The following CSGALNACT1 variants were observed in gnomAD, a reference collection of about 807,000 sequenced individuals.
CSGALNACT1 encodes the protein beta4GalNAcT-1.
Under a neutral mutation model 51.0 loss-of-function variants are expected in CSGALNACT1, and 52 were observed. The ratio of observed to expected loss-of-function variants is 1.02; its 90% CI spans 0.82 to 1.29. CSGALNACT1 has a LOEUF of 1.29. Among genes scored for constraint, CSGALNACT1 ranks in the 50% most tolerant of loss-of-function variants. CSGALNACT1 has a pLI of 0.00. For synonymous variants in CSGALNACT1, 341 were observed against 254.4 expected, an observed-to-expected ratio of 1.34 and a Z score of -3.24; for missense variants, 935 against 679.2, an observed-to-expected ratio of 1.38 and a Z score of -4.19.
intron 1 of CSGALNACT1, among the ~76,000 whole-genome samples, chr8:19,623,320 A>G (rs975380190): frequency 6.6e-6 from 1 of 152,240 alleles, no homozygotes; most frequent in African/African-American, 2.4e-5. Context: ...AGATATTTTA[A>G]TATACCTTTC....
At chr8:19,645,710 G>A (rs544141159) in intron 1 of CSGALNACT1, among the ~76,000 whole-genome samples, 24 of 152,354 alleles carry the variant, frequency 1.6e-4, no homozygotes, top group African/African-American at 5.0e-4. Context: ...TGACTTGCAA[G>A]CACAGGGGGA....
chr8:19,650,304 A>G (rs2057682437), intron 1 of CSGALNACT1, among the ~76,000 whole-genome samples: 1 of 152,214 alleles, frequency 6.6e-6, no homozygotes. Flanking sequence ...AAAGAAATAG[A>G]TTTAGATTTT....
intron 4 of CSGALNACT1, among the ~76,000 whole-genome samples, chr8:19,492,933 G>A (rs112972534): frequency 6.6e-6 from 1 of 151,914 alleles, no homozygotes; most frequent in Non-Finnish European, 1.5e-5. Flanking sequence ...TTTGTGCCCT[G>A]CCTCGCCTGT....
intron 3 of CSGALNACT1, among the ~76,000 whole-genome samples, chr8:19,520,706 C>T (rs1032531190): frequency 1.3e-5 from 2 of 152,228 alleles, no homozygotes; most frequent in African/African-American, 4.8e-5. Context: ...AGTCTTAAAA[C>T]TTTCCATTCT....
At chr8:19,660,782 T>G (rs2058683508) in intron 1 of CSGALNACT1, among the ~76,000 whole-genome samples, 2 of 152,278 alleles carry the variant, frequency 1.3e-5, no homozygotes, top group South Asian at 4.1e-4. Flanking sequence ...AGAACATCAG[T>G]GGCTCCTTTG....
intron 1 of CSGALNACT1, among the ~76,000 whole-genome samples, chr8:19,665,811 A>G (rs1025334439): frequency 6.6e-6 from 1 of 152,194 alleles, no homozygotes; most frequent in African/African-American, 2.4e-5. Flanking sequence ...AATAACTAAA[A>G]ATGTGTTCTT....
chr8:19,674,940 C>A (rs2060067729), intron 1 of CSGALNACT1, among the ~76,000 whole-genome samples: 1 of 152,098 alleles, frequency 6.6e-6, no homozygotes, highest in Non-Finnish European at 1.5e-5. Context: ...CAGGGCATTG[C>A]CCATCTTGAA....
At chr8:19,649,851 G>A (rs113469553) in intron 1 of CSGALNACT1, among the ~76,000 whole-genome samples, 1 of 31,898 alleles carries the variant, frequency 3.1e-5, no homozygotes, top group Admixed American at 4.1e-4. Context: ...AAAAACCACG[G>A]GGGGAGGCAT....
At chr8:19,551,221 A>C (rs1369547381) in intron 3 of CSGALNACT1, among the ~76,000 whole-genome samples, 1 of 152,254 alleles carries the variant, frequency 6.6e-6, no homozygotes, top group Non-Finnish European at 1.5e-5. Context: ...GCTGGAACCA[A>C]CATGGCAGAC....
chr8:19,488,915 G>C (rs1233688541), intron 4 of CSGALNACT1, among the ~76,000 whole-genome samples: 3 of 152,058 alleles, frequency 2.0e-5, no homozygotes, highest in African/African-American at 4.8e-5. Context: ...AGTCACAGCA[G>C]AATACAGGGT....
intron 3 of CSGALNACT1, among the ~76,000 whole-genome samples, chr8:19,524,496 C>T (rs1409289928): frequency 6.6e-6 from 1 of 151,884 alleles, no homozygotes; most frequent in Non-Finnish European, 1.5e-5. Context: ...TACATATTTC[C>T]CAGGGCAAGG....
chr8:19,648,588 G>A (rs4922072), intron 1 of CSGALNACT1, among the ~76,000 whole-genome samples: 68,849 of 151,938 alleles, frequency 0.45, 15,819 homozygotes, highest in Middle Eastern at 0.54. Context: ...CAGGAGGATT[G>A]CCTGAGCCCA....
At chr8:19,554,932 GAAAGA>G (rs905121396) in intron 3 of CSGALNACT1, among the ~76,000 whole-genome samples, 2 of 149,446 alleles carry the variant, frequency 1.3e-5, no homozygotes, top group African/African-American at 5.0e-5. Flanking sequence ...AAAGATAAAG[GAAAGA>G]AAAGAAGAAA....
chr8:19,629,598 T>C (rs965530892), intron 1 of CSGALNACT1, among the ~76,000 whole-genome samples: 1 of 152,250 alleles, frequency 6.6e-6, no homozygotes, highest in Non-Finnish European at 1.5e-5. Context: ...ATTGTTAAAC[T>C]TGGAGATTTG....
intron 4 of CSGALNACT1, among the ~76,000 whole-genome samples, chr8:19,494,833 G>A (rs558916310): frequency 1.7e-4 from 23 of 139,178 alleles, no homozygotes; most frequent in African/African-American, 5.7e-4. Context: ...TCCAACGTTA[G>A]AAAGTCCATT....
At chr8:19,420,589 A>G in intron 6 of CSGALNACT1, 71 bp from the exon 6 acceptor site, 1 of 1,451,952 alleles carries the variant, frequency 6.9e-7, no homozygotes. Context: ...AAAATATGTA[A>G]TCAGGGCCCA....
intron 4 of CSGALNACT1, among the ~76,000 whole-genome samples, chr8:19,486,461 C>T (rs936098926): frequency 6.6e-6 from 1 of 152,196 alleles, no homozygotes; most frequent in Non-Finnish European, 1.5e-5. Context: ...ACATGACATG[C>T]CCCTCCCCTA....
chr8:19,562,204 G>T (rs1222181914), intron 3 of CSGALNACT1, among the ~76,000 whole-genome samples: 1 of 152,166 alleles, frequency 6.6e-6, no homozygotes, highest in Admixed American at 6.5e-5. Context: ...CAGGCTTAAA[G>T]ATATTATCTT....
At chr8:19,612,624 G>C (rs1403849080) in intron 1 of CSGALNACT1, among the ~76,000 whole-genome samples, 2 of 151,908 alleles carry the variant, frequency 1.3e-5, no homozygotes, top group East Asian at 3.9e-4. Context: ...GGCTTTCAAG[G>C]AGTGAAAAGG....
Sources: gnomAD v4.1 joint callset for allele counts (sites outside exome capture counted in the v4.1 genomes callset) on GRCh38, gnomAD v4.1.1 for gene constraint, MANE v1.5 for transcripts, NCBI Gene and HGNC (gene_info 2026-07-23, HGNC 2026-07-21) for gene names.